Variants in MGAT5 observed in about 807,000 individuals in gnomAD.
MGAT5 encodes the protein alpha-1,6-mannosylglycoprotein 6-beta-N-acetylglucosaminyltransferase A.
In MGAT5, 30 loss-of-function variants were observed where a neutral mutation model predicts 94.3. The observed-to-expected ratio is 0.32, with a 90% CI of 0.24 to 0.43. The LOEUF (loss-of-function observed/expected upper bound fraction) is 0.43, where lower values mean the gene tolerates loss of function less well. Among genes scored for constraint, MGAT5 ranks in the 20% least tolerant of loss-of-function variants. The pLI is 1.00. For synonymous variants in MGAT5, 310 were observed against 322.9 expected (o/e 0.96, Z 0.43); for missense variants, 691 against 905.5 (o/e 0.76, Z 3.04).
chr2:134,242,425 G>A (rs138717714), intron 1 of MGAT5, among the ~76,000 whole-genome samples: 56 of 152,306 alleles, frequency 3.7e-4, no homozygotes, highest in Non-Finnish European at 6.5e-4. Flanking sequence ...TGTGTCAGTA[G>A]GATGTACATC....
intron 10 of MGAT5, among the ~76,000 whole-genome samples, chr2:134,391,663 A>G (rs927276053): frequency 1.3e-5 from 2 of 152,182 alleles, no homozygotes; most frequent in Admixed American, 6.5e-5. Flanking sequence ...TAGTACCATC[A>G]CAGGGGGGAT....
intron 1 of MGAT5, among the ~76,000 whole-genome samples, chr2:134,145,214 C>CTCTGTGTGTG (rs373377770): frequency 5.2e-4 from 75 of 143,868 alleles, no homozygotes; most frequent in East Asian, 3.9e-3. Flanking sequence ...GTCTCTCTCT[C>CTCTGTGTGTG]TGTGTGTGTG....
intron 9 of MGAT5, among the ~76,000 whole-genome samples, chr2:134,353,789 G>A (rs1377598125): frequency 1.3e-5 from 2 of 152,134 alleles, no homozygotes; most frequent in Non-Finnish European, 2.9e-5. Context: ...TCTCATGGAC[G>A]AGGCTGACTT....
chr2:134,128,848 C>G (rs1405579115), intron 1 of MGAT5, among the ~76,000 whole-genome samples: 1 of 152,188 alleles, frequency 6.6e-6, no homozygotes, highest in Non-Finnish European at 1.5e-5. Flanking sequence ...CTTAGTCTCT[C>G]TTAGTGCTCA....
At chr2:134,347,779 C>T (rs1294435492) in intron 8 of MGAT5, among the ~76,000 whole-genome samples, 2 of 152,146 alleles carry the variant, frequency 1.3e-5, no homozygotes. Flanking sequence ...CCACCAGATA[C>T]CAAAGATGGC....
intron 1 of MGAT5, among the ~76,000 whole-genome samples, chr2:134,200,931 A>G (rs570185147): frequency 4.6e-5 from 7 of 151,914 alleles, no homozygotes; most frequent in Non-Finnish European, 8.8e-5. Flanking sequence ...AGGCTGAGGC[A>G]GGAGGATTGC....
chr2:134,200,745 A>T (rs1241322029), intron 1 of MGAT5, among the ~76,000 whole-genome samples: 3 of 152,148 alleles, frequency 2.0e-5, no homozygotes, highest in Admixed American at 2.0e-4. Context: ...TTTGCTGGGC[A>T]TGGTGGCTCA....
intron 1 of MGAT5, among the ~76,000 whole-genome samples, chr2:134,237,148 T>TGCGCGC (rs145166543): frequency 0.23 from 32,154 of 140,654 alleles, 4,173 homozygotes; most frequent in Non-Finnish European, 0.31. Flanking sequence ...TGTGTGTGTG[T>TGCGCGC]GCGCGTGTGT....
intron 11 of MGAT5, among the ~76,000 whole-genome samples, chr2:134,408,470 G>A (rs1319489515): frequency 6.6e-6 from 1 of 152,194 alleles, no homozygotes; most frequent in Non-Finnish European, 1.5e-5. Context: ...TAGGTAGCTT[G>A]GCATAATCAG....
chr2:134,336,082 GA>G, intron 4 of MGAT5, 134 bp from the exon 5 acceptor site: 3 of 653,286 alleles, frequency 4.6e-6, no homozygotes, highest in Non-Finnish European at 5.1e-6. Context: ...AAAAGCATGG[GA>G]ATTTGGCTAA....
chr2:134,297,986 G>A (rs1685781102), intron 2 of MGAT5, among the ~76,000 whole-genome samples: 1 of 151,810 alleles, frequency 6.6e-6, no homozygotes, highest in Non-Finnish European at 1.5e-5. Context: ...TCTGTTTTCT[G>A]TTTAGCTAAA....
Position 134,331,973 on chromosome 2 carries a change from G to C in MGAT5, c.574-4244G>C, listed in dbSNP as rs191332501. On this transcript the variant is annotated intron_variant, in intron 4 of 15. Coordinates refer to ENST00000281923, the MANE Select transcript of MGAT5 (RefSeq NM_002410.5). Reference sequence around the variant, plus strand: ...CATGGGTAGGAAGAATCAATATCATGAAAAGGAAGAATCAATATCATGAAA... The same window carrying C: ...CATGGGTAGGAAGAATCAATATCATCAAAAGGAAGAATCAATATCATGAAA... 3.6e-3 allele frequency among the ~76,000 whole-genome samples: 524 copies of C among 145,336 alleles called. 9 individuals carry two copies. The highest frequency in any genetic ancestry group is 0.013 in the African/African-American group (500 of 39,690).
intron 10 of MGAT5, among the ~76,000 whole-genome samples, chr2:134,364,194 T>C (rs1255807488): frequency 6.6e-6 from 1 of 152,196 alleles, no homozygotes; most frequent in Non-Finnish European, 1.5e-5. Context: ...AAGGGTGACT[T>C]TTCCATGCCA....
chr2:134,328,472 T>A (rs537146223), intron 4 of MGAT5, among the ~76,000 whole-genome samples: 4 of 152,204 alleles, frequency 2.6e-5, no homozygotes, highest in Admixed American at 2.6e-4. Flanking sequence ...GAGGTCAAGA[T>A]AAAGTCTGCT....
intron 2 of MGAT5, among the ~76,000 whole-genome samples, chr2:134,313,833 A>T (rs1257863600): frequency 6.6e-6 from 1 of 152,124 alleles, no homozygotes; most frequent in African/African-American, 2.4e-5. Context: ...CCAGGCTATA[A>T]GCATAGTACC....
At chr2:134,123,986 A>G (rs909467661) in intron 1 of MGAT5, among the ~76,000 whole-genome samples, 4 of 152,336 alleles carry the variant, frequency 2.6e-5, no homozygotes, top group African/African-American at 9.6e-5. Context: ...TCCAACCCTT[A>G]AAGTCTCTAA....
intron 2 of MGAT5, among the ~76,000 whole-genome samples, chr2:134,313,368 A>G (rs1038479439): frequency 2.6e-5 from 4 of 152,282 alleles, no homozygotes; most frequent in African/African-American, 9.6e-5. Context: ...CCCATATTCG[A>G]ACACCCACTA....
chr2:134,437,467 C>G (rs1299006426), intron 14 of MGAT5, among the ~76,000 whole-genome samples: 1 of 152,170 alleles, frequency 6.6e-6, no homozygotes, highest in Non-Finnish European at 1.5e-5. Flanking sequence ...GCCATGAAAG[C>G]CTAAACAGGA....
At chr2:134,276,927 G>T (rs1264189382) in intron 2 of MGAT5, among the ~76,000 whole-genome samples, 2 of 152,164 alleles carry the variant, frequency 1.3e-5, no homozygotes, top group Non-Finnish European at 2.9e-5. Context: ...GGGAGAATTT[G>T]TCATAATTAT....
Sources: allele counts gnomAD v4.1 joint callset (sites outside exome capture counted in the v4.1 genomes callset), GRCh38; gene constraint gnomAD v4.1.1; transcripts MANE v1.5; gene names NCBI Gene and HGNC (gene_info 2026-07-23, HGNC 2026-07-21).